The following CAMK2D variants were observed in gnomAD, a reference collection of about 807,000 sequenced individuals.
CAMK2D encodes the protein calcium/calmodulin-dependent protein kinase type II subunit delta.
Under a neutral mutation model 84.0 loss-of-function variants are expected in CAMK2D, and 37 were observed. The ratio of observed to expected loss-of-function variants is 0.44; its 90% CI spans 0.34 to 0.58. CAMK2D has a LOEUF of 0.58. Among genes scored for constraint, CAMK2D ranks in the 20% least tolerant of loss-of-function variants. The pLI is 0.02. For missense variants in CAMK2D, 448 were observed against 652.5 expected, an observed-to-expected ratio of 0.69 and a Z score of 3.41; for synonymous variants, 202 against 212.5, an observed-to-expected ratio of 0.95 and a Z score of 0.43.
At position 113,531,294 on chromosome 4, in the gene CAMK2D, CAAAACCTAGGG is replaced by C; in HGVS notation, c.518-6_522del. 6.3e-7 allele frequency: 1 copy of C among 1,576,076 alleles called. No homozygotes were observed. Among genetic ancestry groups the C allele is most frequent in the Admixed American group, 1.7e-5 (1 of 59,908 alleles). ...GGAGAAAGATATCCAGGTGTGCCAGCAAAACCTAGGGAAAAGAGATGTTAATGAGTCACAGT... is the reference window on the plus strand; with the variant it reads ...GGAGAAAGATATCCAGGTGTGCCAGCAAAAGAGATGTTAATGAGTCACAGT... On this transcript the variant is annotated splice_acceptor_variant and splice_polypyrimidine_tract_variant and coding_sequence_variant and intron_variant, in exon 8 of 21. Coordinates refer to ENST00000511664, the MANE Select transcript of CAMK2D (RefSeq NM_001321571.2). LOFTEE classifies it high-confidence loss of function.
chr4:113,742,267 T>C (rs2099594738), intron 2 of CAMK2D, among the ~76,000 whole-genome samples: 1 of 152,078 alleles, frequency 6.6e-6, no homozygotes, highest in South Asian at 2.1e-4. Context: ...GTTACAAAAG[T>C]TTCAGCATAA....
intron 3 of CAMK2D, among the ~76,000 whole-genome samples, chr4:113,641,143 G>C (rs2099130876): frequency 1.3e-5 from 2 of 152,166 alleles, no homozygotes; most frequent in African/African-American, 4.8e-5. Flanking sequence ...TCACCTTCTA[G>C]TGCTTTATTT....
intron 5 of CAMK2D, among the ~76,000 whole-genome samples, chr4:113,549,658 G>T (rs541831685): frequency 5.3e-5 from 8 of 152,264 alleles, no homozygotes; most frequent in Middle Eastern, 6.8e-3. Context: ...AGTTCACTGT[G>T]CAATTCAAAT....
intron 2 of CAMK2D, among the ~76,000 whole-genome samples, chr4:113,702,916 C>G (rs1334280116): frequency 6.6e-6 from 1 of 151,708 alleles, no homozygotes; most frequent in Non-Finnish European, 1.5e-5. Flanking sequence ...TATATATATA[C>G]ATAAGTGATT....
intron 3 of CAMK2D, among the ~76,000 whole-genome samples, chr4:113,648,452 T>C (rs1400837633): frequency 1.1e-4 from 16 of 152,260 alleles, no homozygotes; most frequent in Admixed American, 1.0e-3. Context: ...AAAACATATA[T>C]TCATACTCTC....
chr4:113,468,074 T>C (rs1362412749), intron 16 of CAMK2D, among the ~76,000 whole-genome samples: 2 of 152,098 alleles, frequency 1.3e-5, no homozygotes, highest in African/African-American at 2.4e-5. Flanking sequence ...CTTCAGTTTA[T>C]AGAGTGTGAA....
intron 18 of CAMK2D, 120 bp from the exon 19 acceptor site, chr4:113,457,683 GTTAA>G (rs1408458141): frequency 5.6e-6 from 4 of 717,282 alleles, no homozygotes; most frequent in African/African-American, 3.6e-5. Flanking sequence ...TAATTAATTA[GTTAA>G]TTAATCTACT....
rs1400689602 is a variant in CAMK2D at position 113,484,159 on chromosome 4, C to T, written c.1135+16304G>A. The stretch of plus-strand genomic sequence containing the variant: ...TCTATCCAAACTTCCCTTTCTTACC[C>T]ACTCCCATCCTGGGTCCTGGTTCCA... On this transcript the variant is annotated intron_variant, in intron 16 of 20. Transcript: ENST00000511664. 2.0e-5 allele frequency among the ~76,000 whole-genome samples: 3 copies of T among 152,260 alleles called. No individual in the cohort carries two copies. The East Asian group carries it at 5.8e-4, about 29-fold the overall frequency.
chr4:113,559,145 C>T (rs1253923285), intron 4 of CAMK2D, among the ~76,000 whole-genome samples: 1 of 151,304 alleles, frequency 6.6e-6, no homozygotes, highest in Non-Finnish European at 1.5e-5. Context: ...GCACCACAGA[C>T]ATTCTAAAGA....
At chr4:113,681,678 T>C (rs2099346368) in intron 2 of CAMK2D, among the ~76,000 whole-genome samples, 1 of 152,184 alleles carries the variant, frequency 6.6e-6, no homozygotes, top group South Asian at 2.1e-4. Flanking sequence ...TCACCTCAAA[T>C]TTTATGCTGA....
At chr4:113,565,300 G>C (rs1383446830) in intron 4 of CAMK2D, among the ~76,000 whole-genome samples, 1 of 152,146 alleles carries the variant, frequency 6.6e-6, no homozygotes. Context: ...TCAAAGGGCT[G>C]TACAATACCT....
rs181200639 is a variant in CAMK2D at position 113,545,372 on chromosome 4, A to C, written c.414+2272T>G. 2.6e-5 allele frequency among the ~76,000 whole-genome samples: 4 copies of C among 152,328 alleles called. No individual in the cohort carries two copies. The East Asian group carries it at 7.7e-4, about 29-fold the overall frequency. ...GTGGACAAATTAAACTATGTGCATC[A>C]AACATTTCTATCGCACATCAATTAA... On this transcript the variant is annotated intron_variant, in intron 6 of 20. Coordinates refer to ENST00000511664, the MANE Select transcript of CAMK2D (RefSeq NM_001321571.2).
chr4:113,491,623 G>C (rs1158434134), intron 16 of CAMK2D, among the ~76,000 whole-genome samples: 2 of 152,072 alleles, frequency 1.3e-5, no homozygotes, highest in African/African-American at 4.8e-5. Context: ...TTGTGTCTCT[G>C]CCTGGCTTTG....
chr4:113,664,339 G>GT (rs956363271), intron 2 of CAMK2D, among the ~76,000 whole-genome samples: 2 of 152,192 alleles, frequency 1.3e-5, no homozygotes, highest in African/African-American at 4.8e-5. Flanking sequence ...CACAGTTTCT[G>GT]TGGGTCAGGA....
chr4:113,640,127 G>T (rs1390300895), intron 3 of CAMK2D, among the ~76,000 whole-genome samples: 1 of 152,030 alleles, frequency 6.6e-6, no homozygotes, highest in African/African-American at 2.4e-5. Flanking sequence ...AGAGAAGCAG[G>T]TCTGGGTGGG....
chr4:113,761,309 C>G lies in CAMK2D; in HGVS notation c.-241G>C. The G allele has an allele frequency of 1.4e-6, 2 of 1,417,622 alleles. No homozygotes were observed. The highest frequency in any genetic ancestry group is 1.8e-6 in the Non-Finnish European group (2 of 1,088,922). The allele number at this position is 1,417,622 out of a possible 1,614,324, so 87.8% of individuals were successfully genotyped here. A position where few individuals can be genotyped will look rare whatever the true frequency, so the allele number is the denominator to read the frequency against. ...CCGATCCTCCTCCTCCTGCGGGCCT[C>G]GCTTCCTTCTTCTCCACTGGACGCT... On this transcript the variant is annotated 5_prime_UTR_variant, in exon 1 of 21. Transcript: ENST00000511664.
chr4:113,731,151 C>T (rs1460197543), intron 2 of CAMK2D, among the ~76,000 whole-genome samples: 1 of 152,180 alleles, frequency 6.6e-6, no homozygotes, highest in Non-Finnish European at 1.5e-5. Flanking sequence ...CATAAATCTG[C>T]TTTCACTAAA....
intron 3 of CAMK2D, among the ~76,000 whole-genome samples, chr4:113,611,027 T>C (rs2098997944): frequency 6.9e-6 from 1 of 145,700 alleles, no homozygotes; most frequent in African/African-American, 2.6e-5. Context: ...GATAGCTATA[T>C]ATATGTTATA....
At chr4:113,541,135 C>T (rs1265203102) in intron 6 of CAMK2D, among the ~76,000 whole-genome samples, 1 of 152,134 alleles carries the variant, frequency 6.6e-6, no homozygotes, top group East Asian at 1.9e-4. Flanking sequence ...ACTCAAAGTA[C>T]ATAGGCAGGT....
Sources: gnomAD v4.1 joint callset for allele counts (sites outside exome capture counted in the v4.1 genomes callset) on GRCh38, gnomAD v4.1.1 for gene constraint, MANE v1.5 for transcripts, NCBI Gene and HGNC (gene_info 2026-07-23, HGNC 2026-07-21) for gene names.